ATE1: variants seen among roughly 807,000 people sequenced by gnomAD.
ATE1 encodes arginyltransferase 1.
In ATE1, 36 loss-of-function variants were observed where a neutral mutation model predicts 70.5. The observed-to-expected ratio is 0.51, with a 90% CI of 0.39 to 0.67. The LOEUF is 0.67. Ranked by LOEUF, ATE1 falls within the 30% of genes least tolerant of loss-of-function variation. ATE1 has a pLI of 0.00. For missense variants in ATE1, 593 were observed against 629.5 expected (o/e 0.94, Z 0.62); for synonymous variants, 232 against 219.3 (o/e 1.06, Z -0.51).
intron 11 of ATE1, among the ~76,000 whole-genome samples, chr10:121,751,245 C>A (rs1944566762): frequency 6.6e-6 from 1 of 152,228 alleles, no homozygotes; most frequent in Non-Finnish European, 1.5e-5. Context: ...TGTAAAATGT[C>A]ATTTAATAAC....
At chr10:121,895,323 C>T (rs1171228277) in intron 7 of ATE1, among the ~76,000 whole-genome samples, 2 of 152,200 alleles carry the variant, frequency 1.3e-5, no homozygotes, top group Non-Finnish European at 2.9e-5. Flanking sequence ...ATAAAAACCA[C>T]CCAAGGCTGA....
intron 7 of ATE1, among the ~76,000 whole-genome samples, chr10:121,872,722 A>T (rs1246726161): frequency 1.3e-5 from 2 of 152,084 alleles, no homozygotes; most frequent in African/African-American, 4.8e-5. Context: ...ATTAAAAAGG[A>T]CTATGGCTCA....
At chr10:121,789,336 T>C (rs1946340941) in intron 11 of ATE1, among the ~76,000 whole-genome samples, 1 of 120,152 alleles carries the variant, frequency 8.3e-6, no homozygotes, top group African/African-American at 3.1e-5. Context: ...TCTTACACTG[T>C]CGCCCAGGCT....
chr10:121,911,059 T>G lies in ATE1; in HGVS notation c.430A>C (p.Ser144Arg). 2 of 1,613,524 alleles carry G rather than the reference T, an allele frequency of 1.2e-6. No individual in the cohort carries two copies. Among genetic ancestry groups the G allele is most frequent in the Non-Finnish European group, 1.7e-6 (2 of 1,179,880 alleles). The change falls in exon 5 of 12, where the codon AGT (serine) becomes CGT (arginine). Residue 144 changes from serine to arginine, a missense_variant. By Grantham distance (110) the Ser-to-Arg change is moderately radical (BLOSUM62 -1). This residue lies in a region of ATE1 where 467 missense variants were observed against 469.6 expected (regional missense o/e 0.99). Coordinates refer to ENST00000224652, the MANE Select transcript of ATE1 (RefSeq NM_001001976.3). Reference sequence around the variant, plus strand: ...TCTAAACTCTCTTTGATGTCATCACTGAGTGTTTTAAGATCACACTGTATA... The same window carrying G: ...TCTAAACTCTCTTTGATGTCATCACGGAGTGTTTTAAGATCACACTGTATA... The part of the protein sequence containing the change: ...LDIQCDLKTL[S>R]DDIKESLESE...
intron 1 of ATE1, chr10:121,927,467 C>T (rs1405867149): frequency 3.0e-6 from 3 of 985,240 alleles, no homozygotes; most frequent in Non-Finnish European, 3.6e-6. Context: ...CCGCGTTTCG[C>T]CCTCGCTCCC....
chr10:121,911,442 T>TAAAAAAAA (rs371014661), intron 4 of ATE1, among the ~76,000 whole-genome samples: 7 of 128,332 alleles, frequency 5.5e-5, no homozygotes, highest in East Asian at 4.5e-4. Context: ...TACAGTAAAT[T>TAAAAAAAA]AAAAAAAAAA....
intron 10 of ATE1, among the ~76,000 whole-genome samples, chr10:121,804,588 G>A (rs919184857): frequency 6.6e-5 from 10 of 152,156 alleles, no homozygotes; most frequent in African/African-American, 9.7e-5. Context: ...ACTTTTGGGC[G>A]TAAATGTTTG....
intron 10 of ATE1, among the ~76,000 whole-genome samples, chr10:121,791,678 A>G (rs757072751): frequency 3.9e-5 from 6 of 152,246 alleles, no homozygotes; most frequent in Non-Finnish European, 7.3e-5. Flanking sequence ...TACAAAATAC[A>G]TTCTATATCA....
At chr10:121,764,781 T>C (rs932118694) in intron 11 of ATE1, among the ~76,000 whole-genome samples, 5 of 152,228 alleles carry the variant, frequency 3.3e-5, no homozygotes, top group African/African-American at 1.2e-4. Context: ...GTATGCTACC[T>C]GCACATTTAC....
chr10:121,866,943 T>C (rs1157713743), intron 8 of ATE1, among the ~76,000 whole-genome samples: 1 of 151,690 alleles, frequency 6.6e-6, no homozygotes, highest in Non-Finnish European at 1.5e-5. Context: ...ACTGAGAGCA[T>C]CCGAAGATTA....
intron 7 of ATE1, among the ~76,000 whole-genome samples, chr10:121,891,912 A>T (rs1320861478): frequency 1.3e-5 from 2 of 152,224 alleles, no homozygotes; most frequent in African/African-American, 2.4e-5. Context: ...GATACTGTAC[A>T]GAGTCCCTTA....
At position 121,910,973 on chromosome 10, in the gene ATE1, G is replaced by A. The variant is rs145589284; in HGVS notation, c.516C>T (p.Phe172=). Residue 172 remains phenylalanine, a synonymous_variant, in exon 5 of 12, where the codon TTC becomes TTT. Transcript: ENST00000224652. The part of the protein sequence containing the change: ...EPQELLQSQD[F]VGEKLGSGEP... ...CACCAGAGCCCAACTTCTCTCCTAC[G>A]AAATCTTGTGACTGAAGTAATTCCT... 1.7e-4 allele frequency: 280 copies of A among 1,614,004 alleles called. 3 individuals are homozygous for A. In the South Asian group the frequency reaches 2.7e-3, roughly 16 times the overall value.
At chr10:121,878,590 C>A in intron 7 of ATE1, among the ~76,000 whole-genome samples, 1 of 146,984 alleles carries the variant, frequency 6.8e-6, no homozygotes. Flanking sequence ...GAGACTGTGT[C>A]TCAAAAAAAA....
At chr10:121,892,565 G>A (rs1950617791) in intron 7 of ATE1, among the ~76,000 whole-genome samples, 1 of 149,880 alleles carries the variant, frequency 6.7e-6, no homozygotes, top group Non-Finnish European at 1.5e-5. Context: ...GGAGCGCAAT[G>A]GCACCATCTC....
At chr10:121,859,466 C>A (rs1398376582) in intron 8 of ATE1, among the ~76,000 whole-genome samples, 1 of 151,722 alleles carries the variant, frequency 6.6e-6, no homozygotes, top group Non-Finnish European at 1.5e-5. Context: ...CCGTTTTAGC[C>A]GGGATGGTCT....
chr10:121,809,449 C>T (rs1203165457), intron 10 of ATE1, among the ~76,000 whole-genome samples: 2 of 152,122 alleles, frequency 1.3e-5, no homozygotes, highest in African/African-American at 4.8e-5. Flanking sequence ...CATTTCATCA[C>T]ACTGAATATG....
chr10:121,832,105 G>A (rs1391679594), intron 10 of ATE1, among the ~76,000 whole-genome samples: 2 of 152,128 alleles, frequency 1.3e-5, no homozygotes, highest in East Asian at 3.9e-4. Flanking sequence ...CAGTTTGTGG[G>A]ATAAGTAGGA....
chr10:121,813,437 G>A (rs1051806104), intron 10 of ATE1, among the ~76,000 whole-genome samples: 1 of 152,238 alleles, frequency 6.6e-6, no homozygotes, highest in Non-Finnish European at 1.5e-5. Context: ...ATGTGGCACA[G>A]CTGTTACCCT....
At chr10:121,916,545 G>T (rs556085254) in intron 3 of ATE1, among the ~76,000 whole-genome samples, 1 of 151,934 alleles carries the variant, frequency 6.6e-6, no homozygotes, top group East Asian at 2.0e-4. Context: ...GTGCTAAAAA[G>T]AATCCCCAGG....
Sources: gnomAD v4.1 joint callset for allele counts (sites outside exome capture counted in the v4.1 genomes callset) on GRCh38, gnomAD v4.1.1 for gene constraint, gnomAD v4.1.1 regional missense constraint, MANE v1.5 for transcripts, NCBI Gene and HGNC (gene_info 2026-07-23, HGNC 2026-07-21) for gene names.